DNAH9: variants seen among roughly 807,000 people sequenced by gnomAD.
DNAH9 encodes the protein dynein axonemal heavy chain 9.
DNAH9 carries 345 observed loss-of-function variants against 471.6 expected under a neutral mutation model. That is an observed-to-expected ratio of 0.73 (90% CI 0.67 to 0.80). The LOEUF is 0.80. Among genes scored for constraint, DNAH9 ranks in the 30% least tolerant of loss-of-function variants. The probability of loss-of-function intolerance (pLI) is 0.00; values close to 1 mark genes in which losing one functional copy is unlikely to be tolerated. For synonymous variants in DNAH9, 2,093 were observed against 2,123.6 expected (o/e 0.99, Z 0.40); for missense variants, 5,407 against 5,609.2 (o/e 0.96, Z 1.15).
intron 17 of DNAH9, among the ~76,000 whole-genome samples, chr17:11,673,601 GT>G (rs59481227): frequency 0.51 from 66,513 of 130,934 alleles, 15,948 homozygotes; most frequent in East Asian, 0.66. Flanking sequence ...GTTTATATTT[GT>G]TTTTTTTTTT....
Position 11,632,597 on chromosome 17 carries a change from A to T in DNAH9, c.1529A>T (p.Asn510Ile), listed in dbSNP as rs1299904078. The change falls in exon 8 of 69, where the codon AAT becomes ATT. Residue 510 changes from asparagine (N) to isoleucine (I), a missense_variant. By Grantham distance (149) the Asn-to-Ile change is moderately radical. Around this residue, in one of 3 missense-constraint regions of DNAH9, gnomAD observed 767 missense variants for 692.5 expected, o/e 1.11. Transcript: ENST00000262442. ...CLYLQSTDFENDVSEFNQKVE... is the reference protein window; with the variant it reads ...CLYLQSTDFEIDVSEFNQKVE... ...ATGGTGTCTCTTCAGGACTTTGAAAATGACGTCTCTGAATTTAACCAGAAA... is the reference window on the plus strand; with the variant it reads ...ATGGTGTCTCTTCAGGACTTTGAAATTGACGTCTCTGAATTTAACCAGAAA... The T allele has an allele frequency of 1.3e-6, 2 of 1,573,866 alleles. No homozygotes were observed. Among genetic ancestry groups the T allele is most frequent in the Admixed American group, 3.3e-5 (2 of 59,948 alleles).
chr17:11,894,547 C>G, intron 59 of DNAH9, 51 bp downstream of exon 59: 1 of 1,594,844 alleles, frequency 6.3e-7, no homozygotes, highest in Non-Finnish European at 8.6e-7. Flanking sequence ...TCAGAATTTA[C>G]CTCTGACACT....
intron 41 of DNAH9, among the ~76,000 whole-genome samples, chr17:11,786,512 G>GT (rs774156257): frequency 4.6e-5 from 7 of 152,176 alleles, no homozygotes; most frequent in Non-Finnish European, 8.8e-5. Flanking sequence ...TGAGCACAGT[G>GT]CTAAGCCCTT....
chr17:11,785,712 A>G (rs1313908810), intron 41 of DNAH9, among the ~76,000 whole-genome samples: 1 of 152,228 alleles, frequency 6.6e-6, no homozygotes, highest in Middle Eastern at 3.2e-3. Context: ...AAAATTAAAA[A>G]CAAACAGAGA....
intron 6 of DNAH9, among the ~76,000 whole-genome samples, chr17:11,622,470 G>T (rs2072888018): frequency 6.6e-6 from 1 of 151,990 alleles, no homozygotes; most frequent in African/African-American, 2.4e-5. Context: ...CTGCTGTTTA[G>T]TGAGAGGTGA....
rs372426203 is a variant in DNAH9, at chr17:11,927,619, A to G, written c.11878-2247A>G. Among the ~76,000 whole-genome samples the G allele has an allele frequency of 3.9e-4, 60 of 152,322 alleles. No homozygotes were observed. In the East Asian group the frequency reaches 7.5e-3, roughly 19 times the overall value. ...TGGATCTAACATCTTTTAACATCCCATGGCACACTTTTGGGAAATGCTGCC... is the reference window on the plus strand; with the variant it reads ...TGGATCTAACATCTTTTAACATCCCGTGGCACACTTTTGGGAAATGCTGCC... On this transcript the variant is annotated intron_variant, in intron 62 of 68. Transcript: ENST00000262442.
intron 67 of DNAH9, among the ~76,000 whole-genome samples, chr17:11,960,772 A>C (rs1976077481): frequency 6.6e-6 from 1 of 151,988 alleles, no homozygotes. Flanking sequence ...AAAAAAAAAG[A>C]ATTCCAAAAG....
At chr17:11,846,932 C>G (rs897606987) in intron 49 of DNAH9, among the ~76,000 whole-genome samples, 1 of 147,956 alleles carries the variant, frequency 6.8e-6, no homozygotes. Flanking sequence ...TCTAGATATA[C>G]AATCATGTCG....
intron 39 of DNAH9, among the ~76,000 whole-genome samples, chr17:11,781,878 A>G (rs1968686989): frequency 6.6e-6 from 1 of 150,658 alleles, no homozygotes. Flanking sequence ...ACCCGGTACC[A>G]TGCACCGTGT....
intron 2 of DNAH9, among the ~76,000 whole-genome samples, chr17:11,609,659 C>G (rs986214175): frequency 1.3e-5 from 2 of 152,150 alleles, no homozygotes; most frequent in Admixed American, 1.3e-4. Context: ...TTGCACCTAT[C>G]ATTTTCAGTT....
intron 62 of DNAH9, among the ~76,000 whole-genome samples, 175 bp from the exon 63 acceptor site, chr17:11,929,691 G>A (rs1410543314): frequency 1.3e-5 from 2 of 152,178 alleles, no homozygotes; most frequent in Admixed American, 6.5e-5. Flanking sequence ...GCCATTAACT[G>A]TCCACTTAAA....
At position 11,608,460 on chromosome 17, in the gene DNAH9, T is replaced by C. The variant is rs1402826730; in HGVS notation, c.614+135T>C. On this transcript the variant is annotated intron_variant, in intron 2 of 68. Transcript: ENST00000262442. ...CTGCACACAAGCCTACTGTCTGCTC[T>C]GTTTGCCGACACCCTCAGACTGTGG... is the stretch of plus-strand genomic sequence containing the variant. The C allele has an allele frequency of 5.6e-6, 4 of 717,302 alleles. No individual in the cohort carries two copies. The African/African-American group carries it at 7.1e-5, about 13-fold the overall frequency. The allele number at this position is 717,302 out of a possible 1,614,324, so 44.4% of individuals were successfully genotyped here.
intron 61 of DNAH9, among the ~76,000 whole-genome samples, chr17:11,911,274 C>T (rs1481672633): frequency 6.6e-6 from 1 of 152,178 alleles, no homozygotes; most frequent in Non-Finnish European, 1.5e-5. Flanking sequence ...GTCCCTGCTC[C>T]ATTTGTTGAA....
chr17:11,608,171 TG>T lies in DNAH9; in HGVS notation c.462del (p.Trp154CysfsTer4). The T allele has an allele frequency of 6.2e-7, 1 of 1,612,614 alleles. No individual in the cohort carries two copies. Among genetic ancestry groups the T allele is most frequent in the Middle Eastern group, 1.7e-4 (1 of 6,058 alleles). On this transcript the variant is annotated frameshift_variant, in exon 2 of 69. Coordinates refer to ENST00000262442, the MANE Select transcript of DNAH9 (RefSeq NM_001372.4). LOFTEE classifies it high-confidence loss of function. ...VLANEKNRLN[W>X]PHMICEDVRR... ...GGCCAATGAGAAGAATCGCCTAAAC[TG>T]GCCCCACATGATATGTGAGGATGTC...
chr17:11,694,554 A>G, intron 22 of DNAH9, 107 bp downstream of exon 22: 6 of 1,209,540 alleles, frequency 5.0e-6, no homozygotes, highest in Middle Eastern at 2.4e-4. Flanking sequence ...CAGGTTCTGT[A>G]CTTCAGACCT....
chr17:11,843,354 T>C (rs754200459), intron 49 of DNAH9, among the ~76,000 whole-genome samples: 4 of 152,044 alleles, frequency 2.6e-5, no homozygotes, highest in Non-Finnish European at 5.9e-5. Flanking sequence ...AGTTAGAAAA[T>C]ATATTTTCAA....
chr17:11,761,537 C>T (rs1375731347), intron 35 of DNAH9, among the ~76,000 whole-genome samples: 1 of 152,250 alleles, frequency 6.6e-6, no homozygotes, highest in African/African-American at 2.4e-5. Context: ...CCCCATCTGC[C>T]TCACCTTATC....
intron 49 of DNAH9, among the ~76,000 whole-genome samples, chr17:11,838,142 G>A (rs887142716): frequency 2.0e-5 from 3 of 152,208 alleles, no homozygotes; most frequent in African/African-American, 7.2e-5. Context: ...AGAGGGAAAG[G>A]AAGTCAGTAA....
rs1973459290 is a variant in DNAH9, at chr17:11,902,872, C to T, written c.11560C>T (p.Leu3854=). The part of the protein sequence containing the change: ...NKTALQRLCM[L]RAMRPDRMTY... Reference sequence around the variant, plus strand: ...GACAGCCCTGCAGCGCCTCTGCATGCTGAGAGCCATGCGGCCCGACCGGAT... The same window carrying T: ...GACAGCCCTGCAGCGCCTCTGCATGTTGAGAGCCATGCGGCCCGACCGGAT... The change falls in exon 60 of 69, where the codon CTG becomes TTG. Residue 3854 remains leucine, a synonymous_variant. Transcript: ENST00000262442. 1 of 1,613,920 alleles carries T rather than the reference C, an allele frequency of 6.2e-7. No individual in the cohort carries two copies.
Sources: gnomAD v4.1 joint callset for allele counts (sites outside exome capture counted in the v4.1 genomes callset) on GRCh38, gnomAD v4.1.1 for gene constraint, gnomAD v4.1.1 regional missense constraint, MANE v1.5 for transcripts, NCBI Gene and HGNC (gene_info 2026-07-23, HGNC 2026-07-21) for gene names.